Variants in MSRB2 observed in about 807,000 individuals in gnomAD.
MSRB2 encodes the protein methionine-R-sulfoxide reductase B2, mitochondrial.
Under a neutral mutation model 19.0 loss-of-function variants are expected in MSRB2, and 17 were observed. That is an observed-to-expected ratio of 0.89 (90% CI 0.61 to 1.34). The LOEUF is 1.34. MSRB2 is among the 40% of genes most tolerant of loss of function. MSRB2 has a pLI of 0.00. For missense variants in MSRB2, 208 were observed against 237.6 expected (o/e 0.88, Z 0.82); for synonymous variants, 107 against 99.7 (o/e 1.07, Z -0.44).
intron 1 of MSRB2, among the ~76,000 whole-genome samples, chr10:23,096,065 G>C (rs1839862638): frequency 6.6e-6 from 1 of 151,752 alleles, no homozygotes; most frequent in African/African-American, 2.4e-5. Context: ...GCGAAGGCCC[G>C]GGGCCTGGGC....
At chr10:23,106,659 C>A (rs1177771320) in intron 2 of MSRB2, among the ~76,000 whole-genome samples, 1 of 152,198 alleles carries the variant, frequency 6.6e-6, no homozygotes, top group Non-Finnish European at 1.5e-5. Flanking sequence ...GGCTGTGTTC[C>A]TGTACTGCAG....
At chr10:23,101,756 G>A (rs1209138728) in intron 1 of MSRB2, among the ~76,000 whole-genome samples, 1 of 152,192 alleles carries the variant, frequency 6.6e-6, no homozygotes, top group Non-Finnish European at 1.5e-5. Context: ...CTCTCCCCAG[G>A]TGGGGGATTT....
At chr10:23,103,887 C>T (rs1367760349) in intron 1 of MSRB2, among the ~76,000 whole-genome samples, 2 of 152,198 alleles carry the variant, frequency 1.3e-5, no homozygotes, top group African/African-American at 4.8e-5. Flanking sequence ...TTTCAGCTGC[C>T]TCTTTCACTT....
In MSRB2 at chr10:23,120,810, A is replaced by C. The variant is rs780689128; in HGVS notation, c.497A>C (p.Gln166Pro). Reference protein sequence around the residue: ...VFPDGPGPNGQRFCINSVALK... With the variant: ...VFPDGPGPNGPRFCINSVALK... ...CCTGATGGACCTGGGCCCAATGGTC[A>C]GAGGTTTTGCATCAACAGTGTGGCT... The change falls in exon 5 of 5, where the codon CAG becomes CCG. Residue 166 changes from glutamine to proline, a missense_variant. Transcript: ENST00000376510. 1.2e-6 allele frequency: 2 copies of C among 1,614,216 alleles called. No homozygotes were observed. The highest frequency in any genetic ancestry group is 3.3e-5 in the Admixed American group (2 of 60,026).
At chr10:23,114,893 G>A (rs577352507) in intron 3 of MSRB2, among the ~76,000 whole-genome samples, 3 of 152,268 alleles carry the variant, frequency 2.0e-5, no homozygotes, top group Non-Finnish European at 2.9e-5. Flanking sequence ...GGGCAGCTCC[G>A]TTGACATAGG....
At chr10:23,116,322 G>A (rs1840109883) in intron 3 of MSRB2, among the ~76,000 whole-genome samples, 1 of 152,174 alleles carries the variant, frequency 6.6e-6, no homozygotes, top group South Asian at 2.1e-4. Flanking sequence ...CCAGCCAAGA[G>A]CAGATGCAGG....
intron 3 of MSRB2, among the ~76,000 whole-genome samples, chr10:23,118,641 G>A (rs1417469159): frequency 1.3e-5 from 2 of 152,126 alleles, no homozygotes; most frequent in Non-Finnish European, 2.9e-5. Context: ...ATCACAGCAA[G>A]CATTCAGGGA....
intron 1 of MSRB2, 127 bp downstream of exon 1, chr10:23,095,853 GC>G: frequency 2.0e-6 from 1 of 508,466 alleles, no homozygotes; most frequent in South Asian, 9.9e-5. Flanking sequence ...TCCTCGGCGC[GC>G]CCCTCCCCCC....
intron 2 of MSRB2, among the ~76,000 whole-genome samples, chr10:23,106,330 C>A (rs11595935): frequency 0.23 from 34,625 of 152,024 alleles, 5,217 homozygotes; most frequent in African/African-American, 0.43. Context: ...ATTAAAATTC[C>A]CTCCCGCATG....
chr10:23,096,350 C>CTGTGTGTGTGTGTGTGTGTGTG (rs780651477), intron 1 of MSRB2, among the ~76,000 whole-genome samples: 37 of 61,768 alleles, frequency 6.0e-4, no homozygotes, highest in African/African-American at 2.4e-3. Context: ...CTCTCTCTCT[C>CTGTGTGTGTGTGTGTGTGTGTG]TCTGTGTGTG....
intron 1 of MSRB2, among the ~76,000 whole-genome samples, chr10:23,103,634 T>C (rs1839950118): frequency 6.6e-6 from 1 of 152,214 alleles, no homozygotes; most frequent in Non-Finnish European, 1.5e-5. Context: ...TCTTCTTTTG[T>C]TCCATGCAAG....
intron 1 of MSRB2, among the ~76,000 whole-genome samples, chr10:23,097,907 AG>A (rs1172678747): frequency 6.6e-6 from 1 of 152,066 alleles, no homozygotes. Flanking sequence ...AGACATTGGG[AG>A]GGGGGAAATG....
At chr10:23,098,406 G>A (rs745493065) in intron 1 of MSRB2, among the ~76,000 whole-genome samples, 2 of 152,188 alleles carry the variant, frequency 1.3e-5, no homozygotes, top group South Asian at 2.1e-4. Context: ...TATATGGCCT[G>A]TGCAAATCAC....
intron 1 of MSRB2, among the ~76,000 whole-genome samples, chr10:23,100,008 G>A (rs1475602191): frequency 6.6e-6 from 1 of 152,116 alleles, no homozygotes; most frequent in Non-Finnish European, 1.5e-5. Context: ...AGACAATAGG[G>A]TTTTTTTCTA....
chr10:23,098,389 A>C (rs149602553), intron 1 of MSRB2, among the ~76,000 whole-genome samples: 25 of 152,356 alleles, frequency 1.6e-4, no homozygotes, highest in East Asian at 1.2e-3. Context: ...ACTTCTGACC[A>C]ACAAAATATA....
intron 1 of MSRB2, among the ~76,000 whole-genome samples, chr10:23,096,030 CT>C (rs1274723061): frequency 2.0e-5 from 3 of 151,898 alleles, no homozygotes; most frequent in Admixed American, 6.5e-5. Flanking sequence ...GCTCGGGGGC[CT>C]CTGACCCCTA....
chr10:23,117,837 C>T (rs564276369), intron 3 of MSRB2, among the ~76,000 whole-genome samples: 12 of 152,300 alleles, frequency 7.9e-5, no homozygotes, highest in African/African-American at 2.4e-4. Flanking sequence ...GTGATCCACC[C>T]GCTTCCACCT....
chr10:23,118,340 T>TC, intron 3 of MSRB2, among the ~76,000 whole-genome samples: 1 of 146,448 alleles, frequency 6.8e-6, no homozygotes, highest in South Asian at 2.2e-4. Context: ...GTTTTTTGTT[T>TC]TTTTTTTTTT....
At chr10:23,119,010 A>G (rs745942667) in intron 3 of MSRB2, 2 of 528,244 alleles carry the variant, frequency 3.8e-6, no homozygotes, top group South Asian at 1.5e-5. Flanking sequence ...GTTACCTAAT[A>G]TGCAACACAG....
Sources: allele counts gnomAD v4.1 joint callset (sites outside exome capture counted in the v4.1 genomes callset), GRCh38; gene constraint gnomAD v4.1.1; transcripts MANE v1.5; gene names NCBI Gene and HGNC (gene_info 2026-07-23, HGNC 2026-07-21).